OSBPL9: variants seen among roughly 807,000 people sequenced by gnomAD.
The protein encoded by OSBPL9 is oxysterol-binding protein-related protein 9.
In OSBPL9, 40 loss-of-function variants were observed where a neutral mutation model predicts 106.6. The ratio of observed to expected loss-of-function variants is 0.38; its 90% CI spans 0.29 to 0.49. The LOEUF (loss-of-function observed/expected upper bound fraction) is 0.49, where lower values mean the gene tolerates loss of function less well. OSBPL9 is among the 20% of genes least tolerant of loss of function. OSBPL9 has a pLI of 0.97. For missense variants in OSBPL9, 609 were observed against 887.2 expected (o/e 0.69, Z 3.98); for synonymous variants, 269 against 295.4 (o/e 0.91, Z 0.92).
At chr1:51,614,962 CTA>C (rs1158751062), upstream of OSBPL9, among the ~76,000 whole-genome samples, 7 of 152,250 alleles carry the variant, frequency 4.6e-5, no homozygotes, top group East Asian at 1.4e-3. Context: ...CTCTCCTCAA[CTA>C]GAAGTAGAAA....
chr1:51,558,060 C>A, the OSBPL9 span, among the ~76,000 whole-genome samples: 1 of 152,252 alleles, frequency 6.6e-6, no homozygotes, highest in Non-Finnish European at 1.5e-5. Context: ...GCGGGCAGAT[C>A]ACGAGGTCAG....
At chr1:51,553,148 C>T in the OSBPL9 span, among the ~76,000 whole-genome samples, 1 of 152,016 alleles carries the variant, frequency 6.6e-6, no homozygotes, top group Non-Finnish European at 1.5e-5. Context: ...CCAAGTATCA[C>T]TCCACCCACA....
chr1:51,677,612 CACA>C (rs1295616784), intron 3 of OSBPL9, among the ~76,000 whole-genome samples: 3 of 151,666 alleles, frequency 2.0e-5, no homozygotes, highest in Non-Finnish European at 1.5e-5. Flanking sequence ...AGTGCAGTGG[CACA>C]ACAACAGCTC....
intron 4 of OSBPL9, among the ~76,000 whole-genome samples, chr1:51,723,375 T>C (rs1350836256): frequency 6.6e-6 from 1 of 152,232 alleles, no homozygotes; most frequent in Non-Finnish European, 1.5e-5. Flanking sequence ...TTTTCCAGAA[T>C]GTCATATCAT....
intron 4 of OSBPL9, among the ~76,000 whole-genome samples, chr1:51,725,079 C>T (rs762084857): frequency 3.3e-5 from 5 of 150,282 alleles, no homozygotes; most frequent in Non-Finnish European, 5.9e-5. Context: ...TTGTGGTTGT[C>T]GTACAGTTAT....
At chr1:51,688,659 T>A (rs116166092) in intron 3 of OSBPL9, among the ~76,000 whole-genome samples, 1,817 of 152,262 alleles carry the variant, frequency 0.012, 39 homozygotes, top group African/African-American at 0.042. Context: ...AAAAGAATTT[T>A]AAAAAAGTTT....
chr1:51,566,615 C>A, the OSBPL9 span: 1 of 152,260 alleles, frequency 6.6e-6, no homozygotes, highest in African/African-American at 2.4e-5. Context: ...ATGCACCAGA[C>A]CCTCAGTTCC....
At chr1:51,719,249 T>C (rs1362055214) in intron 4 of OSBPL9, among the ~76,000 whole-genome samples, 1 of 152,180 alleles carries the variant, frequency 6.6e-6, no homozygotes, top group African/African-American at 2.4e-5. Flanking sequence ...GAAGCTGAAT[T>C]CCAGTAGTCA....
intron 1 of OSBPL9, among the ~76,000 whole-genome samples, chr1:51,596,082 C>A (rs891210549): frequency 1.3e-5 from 2 of 151,824 alleles, no homozygotes; most frequent in African/African-American, 4.8e-5. Flanking sequence ...CATGGTGAAA[C>A]CCCATCTCTA....
intron 1 of OSBPL9, among the ~76,000 whole-genome samples, chr1:51,636,149 C>CTTT (rs1461058811): frequency 8.7e-6 from 1 of 114,780 alleles, no homozygotes; most frequent in Admixed American, 9.2e-5. Context: ...CTCTCTCTCT[C>CTTT]TTGTTTTTTT....
intron 4 of OSBPL9, among the ~76,000 whole-genome samples, chr1:51,725,747 T>C (rs980676593): frequency 9.9e-5 from 15 of 152,134 alleles, no homozygotes; most frequent in Non-Finnish European, 1.8e-4. Flanking sequence ...GGATTTTTTT[T>C]CCCCCAGTAT....
intron 1 of OSBPL9, among the ~76,000 whole-genome samples, chr1:51,630,886 A>G (rs962144164): frequency 6.6e-6 from 1 of 152,142 alleles, no homozygotes; most frequent in South Asian, 2.1e-4. Context: ...TGCTTATTCT[A>G]TAAGCTCTTT....
upstream of OSBPL9, among the ~76,000 whole-genome samples, chr1:51,612,421 TTC>T (rs1256900220): frequency 6.6e-6 from 1 of 152,224 alleles, no homozygotes; most frequent in African/African-American, 2.4e-5. Context: ...TACCTTTCAG[TTC>T]TGAGTCTAGT....
intron 1 of OSBPL9, among the ~76,000 whole-genome samples, chr1:51,619,832 G>A (rs959054429): frequency 6.6e-6 from 1 of 152,188 alleles, no homozygotes; most frequent in African/African-American, 2.4e-5. Flanking sequence ...TTTGCATGTG[G>A]CTAATAACTT....
At chr1:51,556,612 C>T in the OSBPL9 span, among the ~76,000 whole-genome samples, 1 of 151,994 alleles carries the variant, frequency 6.6e-6, no homozygotes, top group African/African-American at 2.4e-5. Context: ...TGGTGAAACC[C>T]TGTCTCTGCT....
chr1:51,565,246 G>C, the OSBPL9 span, among the ~76,000 whole-genome samples: 1 of 152,052 alleles, frequency 6.6e-6, no homozygotes, highest in Admixed American at 6.5e-5. Context: ...GCCCTTCCTG[G>C]CCTGGCTCCA....
At chr1:51,751,973 G>A (rs1308212864) in intron 8 of OSBPL9, among the ~76,000 whole-genome samples, 2 of 152,146 alleles carry the variant, frequency 1.3e-5, no homozygotes, top group Non-Finnish European at 1.5e-5. Flanking sequence ...AAGTTTTATT[G>A]TTGTTAAGTC....
At chr1:51,601,125 T>A (rs1053054052) in intron 2 of OSBPL9, among the ~76,000 whole-genome samples, 4 of 152,248 alleles carry the variant, frequency 2.6e-5, no homozygotes, top group African/African-American at 9.6e-5. Flanking sequence ...ATCAATTCTA[T>A]ACTCCAGCCT....
the OSBPL9 span, among the ~76,000 whole-genome samples, chr1:51,523,266 T>TTTTA: frequency 1.3e-5 from 2 of 151,878 alleles, no homozygotes; most frequent in Non-Finnish European, 2.9e-5. Flanking sequence ...CTTTTTTTTG[T>TTTTA]TTTATTTATT....
Sources: gnomAD v4.1 joint callset for allele counts (sites outside exome capture counted in the v4.1 genomes callset) on GRCh38, gnomAD v4.1.1 for gene constraint, MANE v1.5 for transcripts, NCBI Gene and HGNC (gene_info 2026-07-23, HGNC 2026-07-21) for gene names.